The following AGBL1 variants were observed in gnomAD, a reference collection of about 807,000 sequenced individuals.
AGBL1 encodes cytosolic carboxypeptidase 4.
Under a neutral mutation model 118.9 loss-of-function variants are expected in AGBL1, and 130 were observed. The ratio of observed to expected loss-of-function variants is 1.09; its 90% confidence interval spans 0.95 to 1.26. The LOEUF (loss-of-function observed/expected upper bound fraction) is 1.26, where lower values mean the gene tolerates loss of function less well. Among genes scored for constraint, AGBL1 ranks in the 50% most tolerant of loss-of-function variants. The probability of loss-of-function intolerance (pLI) is 0.00; values close to 1 mark genes in which losing one functional copy is unlikely to be tolerated. For synonymous variants in AGBL1, 555 were observed against 478.9 expected, an observed-to-expected ratio of 1.16 and a Z score of -2.08; for missense variants, 1,584 against 1,298.1, an observed-to-expected ratio of 1.22 and a Z score of -3.38.
At chr15:86,320,722 C>CGT (rs3050863) in intron 17 of AGBL1, among the ~76,000 whole-genome samples, 296 of 148,138 alleles carry the variant, frequency 2.0e-3, no homozygotes, top group Middle Eastern at 0.014. Context: ...TGTGTGTGTG[C>CGT]GTGTGTGTGT....
intron 9 of AGBL1, among the ~76,000 whole-genome samples, chr15:86,259,981 C>G (rs1567162030): frequency 6.6e-6 from 1 of 152,188 alleles, no homozygotes; most frequent in Non-Finnish European, 1.5e-5. Flanking sequence ...GAACCCTAAA[C>G]AAATAAATAA....
intron 22 of AGBL1, among the ~76,000 whole-genome samples, chr15:86,754,984 G>C (rs1479040138): frequency 1.3e-5 from 2 of 152,026 alleles, no homozygotes; most frequent in African/African-American, 2.4e-5. Flanking sequence ...AGAGAAGGAG[G>C]GGGTATATGA....
intron 22 of AGBL1, among the ~76,000 whole-genome samples, chr15:86,843,198 T>C (rs2079269727): frequency 6.6e-6 from 1 of 152,160 alleles, no homozygotes; most frequent in Admixed American, 6.5e-5. Context: ...CTGATGCTTC[T>C]CACAAGGATC....
intron 22 of AGBL1, among the ~76,000 whole-genome samples, chr15:86,683,741 C>A (rs559296340): frequency 6.6e-6 from 1 of 152,278 alleles, no homozygotes; most frequent in South Asian, 2.1e-4. Context: ...GCAACTGCAG[C>A]CCTTCCCAGC....
intron 21 of AGBL1, among the ~76,000 whole-genome samples, chr15:86,582,811 T>A (rs1490857648): frequency 7.5e-6 from 1 of 133,710 alleles, no homozygotes; most frequent in Non-Finnish European, 1.5e-5. Context: ...AATTGAACAA[T>A]GAGAACACAT....
intron 23 of AGBL1, among the ~76,000 whole-genome samples, chr15:86,976,191 ATTAT>A (rs2081175138): frequency 6.8e-6 from 1 of 147,720 alleles, no homozygotes; most frequent in East Asian, 1.9e-4. Flanking sequence ...AATAAATTAT[ATTAT>A]TTAAGAAATT....
chr15:86,802,776 T>C (rs948354410), intron 22 of AGBL1, among the ~76,000 whole-genome samples: 1 of 152,166 alleles, frequency 6.6e-6, no homozygotes, highest in Non-Finnish European at 1.5e-5. Flanking sequence ...TAAGTATTTG[T>C]GGTCAGACAG....
chr15:86,631,309 G>GA (rs144267518), intron 21 of AGBL1, among the ~76,000 whole-genome samples: 17,533 of 151,448 alleles, frequency 0.12, 1,155 homozygotes, highest in East Asian at 0.15. Flanking sequence ...GGTTTGGGGA[G>GA]AAAAAAAAGT....
At chr15:86,876,222 C>A (rs1334139962) in intron 22 of AGBL1, among the ~76,000 whole-genome samples, 4 of 152,108 alleles carry the variant, frequency 2.6e-5, no homozygotes, top group Admixed American at 6.6e-5. Context: ...CAGATGAGAA[C>A]AATGAGAGTC....
At chr15:86,921,853 C>G in intron 23 of AGBL1, among the ~76,000 whole-genome samples, 1 of 152,134 alleles carries the variant, frequency 6.6e-6, no homozygotes, top group South Asian at 2.1e-4. Flanking sequence ...TGTCCGCTCT[C>G]CCATATATCC....
chr15:86,094,432 T>A (rs1490949509), intron 1 of AGBL1, among the ~76,000 whole-genome samples: 1 of 152,002 alleles, frequency 6.6e-6, no homozygotes, highest in East Asian at 1.9e-4. Context: ...AGAAGAAAAA[T>A]GATGTTTTGT....
chr15:86,781,161 A>G (rs1341479563), intron 22 of AGBL1, among the ~76,000 whole-genome samples: 1 of 151,832 alleles, frequency 6.6e-6, no homozygotes, highest in African/African-American at 2.4e-5. Flanking sequence ...ATTTTTTTTC[A>G]AGTTCTCTCT....
chr15:86,637,925 A>G (rs561692882), intron 21 of AGBL1, among the ~76,000 whole-genome samples: 1 of 152,270 alleles, frequency 6.6e-6, no homozygotes, highest in Non-Finnish European at 1.5e-5. Context: ...ATTAATTTGC[A>G]ATTTGTTTTC....
intron 21 of AGBL1, among the ~76,000 whole-genome samples, chr15:86,633,518 A>C (rs1190755372): frequency 6.6e-6 from 1 of 152,112 alleles, no homozygotes; most frequent in Non-Finnish European, 1.5e-5. Flanking sequence ...CTCAGTAAAT[A>C]AATACTGCTG....
chr15:86,521,594 C>A (rs567904552), intron 18 of AGBL1, among the ~76,000 whole-genome samples: 1 of 152,144 alleles, frequency 6.6e-6, no homozygotes, highest in South Asian at 2.1e-4. Context: ...GAAAGTTCCC[C>A]TGCAGATTGA....
chr15:86,868,221 T>G lies in AGBL1; in HGVS notation c.3159-38866T>G, dbSNP rs1265443533. ...AGAAGCAAAGGAACAGCCATGGACGTAGAGTGAAGATGATTTGGTTTAATG... is the reference window on the plus strand; with the variant it reads ...AGAAGCAAAGGAACAGCCATGGACGGAGAGTGAAGATGATTTGGTTTAATG... On this transcript the variant is annotated intron_variant, in intron 22 of 22. Transcript: ENST00000614907. Among the ~76,000 whole-genome samples the G allele has an allele frequency of 2.0e-5, 3 of 152,060 alleles. No homozygotes were observed. In the East Asian group the frequency reaches 5.8e-4, roughly 29 times the overall value.
At chr15:86,603,947 G>A (rs1226834274) in intron 21 of AGBL1, among the ~76,000 whole-genome samples, 1 of 152,092 alleles carries the variant, frequency 6.6e-6, no homozygotes, top group East Asian at 1.9e-4. Context: ...TTTCAAAAGG[G>A]TGTTTCAGAT....
chr15:86,390,926 T>A (rs1037118929), intron 17 of AGBL1, among the ~76,000 whole-genome samples: 2 of 151,476 alleles, frequency 1.3e-5, no homozygotes, highest in Non-Finnish European at 2.9e-5. Context: ...TGCCTTGGCC[T>A]CCCACAGTGC....
intron 5 of AGBL1, among the ~76,000 whole-genome samples, chr15:86,213,734 C>G (rs973020007): frequency 2.0e-5 from 3 of 152,130 alleles, no homozygotes; most frequent in Admixed American, 2.0e-4. Context: ...AAGAATAACT[C>G]TTTTTGTTAT....
Sources: allele counts gnomAD v4.1 joint callset (sites outside exome capture counted in the v4.1 genomes callset), GRCh38; gene constraint gnomAD v4.1.1; transcripts MANE v1.5; gene names NCBI Gene and HGNC (gene_info 2026-07-23, HGNC 2026-07-21).